The following HS3ST5 variants were observed in gnomAD, a reference collection of about 807,000 sequenced individuals.
The protein encoded by HS3ST5 is heparan sulfate-glucosamine 3-sulfotransferase 5.
In HS3ST5, 10 loss-of-function variants were observed where a neutral mutation model predicts 25.4. The ratio of observed to expected loss-of-function variants is 0.39; its 90% confidence interval spans 0.24 to 0.67. The LOEUF is 0.67. Ranked by LOEUF, HS3ST5 falls within the 30% of genes least tolerant of loss-of-function variation. The pLI, the probability that HS3ST5 is intolerant of heterozygous loss-of-function variation, is 0.44. For missense variants in HS3ST5, 324 were observed against 420.7 expected, an observed-to-expected ratio of 0.77 and a Z score of 2.01; for synonymous variants, 170 against 162.4, an observed-to-expected ratio of 1.05 and a Z score of -0.36.
chr6:114,061,323 G>A (rs1773102760), intron 4 of HS3ST5, among the ~76,000 whole-genome samples: 1 of 152,118 alleles, frequency 6.6e-6, no homozygotes. Flanking sequence ...GCTACTTTAG[G>A]AAACTACTGG....
chr6:114,122,180 G>T (rs1448778521), intron 3 of HS3ST5, among the ~76,000 whole-genome samples: 2 of 152,192 alleles, frequency 1.3e-5, no homozygotes, highest in Non-Finnish European at 2.9e-5. Flanking sequence ...TCCAGAATGT[G>T]TGATGAGCCC....
chr6:114,221,367 C>T (rs937945783), intron 2 of HS3ST5, among the ~76,000 whole-genome samples: 13 of 151,828 alleles, frequency 8.6e-5, no homozygotes, highest in African/African-American at 3.1e-4. Flanking sequence ...ATTTAAAGTT[C>T]AGTCCTCATT....
chr6:114,275,831 C>A (rs1582779596), intron 1 of HS3ST5, among the ~76,000 whole-genome samples: 1 of 152,046 alleles, frequency 6.6e-6, no homozygotes, highest in East Asian at 1.9e-4. Flanking sequence ...GTATAAAAAC[C>A]ATTCTCAATT....
At chr6:114,071,508 A>G (rs1303679947) in intron 3 of HS3ST5, among the ~76,000 whole-genome samples, 1 of 152,154 alleles carries the variant, frequency 6.6e-6, no homozygotes, top group African/African-American at 2.4e-5. Flanking sequence ...TTTGTGTGTA[A>G]CTCTAACTAC....
At chr6:114,293,204 T>C (rs1304972247) in intron 1 of HS3ST5, among the ~76,000 whole-genome samples, 3 of 151,848 alleles carry the variant, frequency 2.0e-5, no homozygotes, top group Admixed American at 1.3e-4. Flanking sequence ...AGAGAGGGAA[T>C]GTCAGGAGTT....
intron 3 of HS3ST5, among the ~76,000 whole-genome samples, chr6:114,067,775 T>C (rs1773544769): frequency 6.6e-6 from 1 of 152,190 alleles, no homozygotes; most frequent in Non-Finnish European, 1.5e-5. Flanking sequence ...GAAAAACTAA[T>C]ATTTTTATTG....
chr6:114,084,833 C>CTT (rs372362974), intron 3 of HS3ST5: 49,661 of 484,856 alleles, frequency 0.1, 1,560 homozygotes, highest in African/African-American at 0.14. Flanking sequence ...CTTTTCTTTT[C>CTT]TTTTTTTTTT....
At chr6:114,253,953 T>G (rs563304828) in intron 1 of HS3ST5, among the ~76,000 whole-genome samples, 21 of 152,170 alleles carry the variant, frequency 1.4e-4, no homozygotes, top group Admixed American at 1.4e-3. Context: ...TTAGAGATTG[T>G]GTGCAATGGG....
At chr6:114,156,251 A>G (rs896909829) in intron 3 of HS3ST5, among the ~76,000 whole-genome samples, 1 of 152,094 alleles carries the variant, frequency 6.6e-6, no homozygotes, top group African/African-American at 2.4e-5. Flanking sequence ...TCCAAAGAGG[A>G]TTTTCTCCCT....
At chr6:114,223,462 TGAAG>T (rs990353180) in intron 2 of HS3ST5, among the ~76,000 whole-genome samples, 3 of 151,740 alleles carry the variant, frequency 2.0e-5, no homozygotes, top group African/African-American at 7.2e-5. Context: ...GTCTGCAAAA[TGAAG>T]GCAGGAAACC....
intron 3 of HS3ST5, among the ~76,000 whole-genome samples, chr6:114,101,210 A>G (rs1276522593): frequency 6.6e-6 from 1 of 152,204 alleles, no homozygotes; most frequent in East Asian, 1.9e-4. Flanking sequence ...AAAAGCCACA[A>G]AAGGGTTATT....
chr6:114,185,303 T>G (rs771074932), intron 2 of HS3ST5, among the ~76,000 whole-genome samples: 3 of 152,092 alleles, frequency 2.0e-5, no homozygotes, highest in Non-Finnish European at 4.4e-5. Flanking sequence ...GGAGCCCTCA[T>G]GAATAGAATT....
chr6:114,196,011 T>C (rs939738840), intron 2 of HS3ST5, among the ~76,000 whole-genome samples: 9 of 152,194 alleles, frequency 5.9e-5, no homozygotes, highest in African/African-American at 1.7e-4. Flanking sequence ...TCGTGGCTTA[T>C]GCAAATGAGA....
chr6:114,312,200 G>C (rs183243347), intron 1 of HS3ST5, among the ~76,000 whole-genome samples: 93 of 152,264 alleles, frequency 6.1e-4, no homozygotes, highest in African/African-American at 2.2e-3. Context: ...CAAAATCTAA[G>C]AATAATGGAG....
chr6:114,129,127 T>C (rs1051783418), intron 3 of HS3ST5, among the ~76,000 whole-genome samples: 2 of 152,130 alleles, frequency 1.3e-5, no homozygotes, highest in African/African-American at 2.4e-5. Flanking sequence ...GCTTGGTACA[T>C]AATGAGCTCT....
intron 2 of HS3ST5, among the ~76,000 whole-genome samples, chr6:114,179,414 A>C (rs1232811403): frequency 6.6e-6 from 1 of 152,194 alleles, no homozygotes; most frequent in East Asian, 1.9e-4. Flanking sequence ...CAACTATGTG[A>C]CAAAGGCATT....
chr6:114,294,827 A>G (rs1774745412), intron 1 of HS3ST5, among the ~76,000 whole-genome samples: 1 of 152,212 alleles, frequency 6.6e-6, no homozygotes, highest in Non-Finnish European at 1.5e-5. Flanking sequence ...AAATTGGTCA[A>G]AAAGTTTTTT....
At chr6:114,242,154 T>G (rs941089336) in intron 1 of HS3ST5, among the ~76,000 whole-genome samples, 24 of 152,130 alleles carry the variant, frequency 1.6e-4, no homozygotes, top group African/African-American at 5.8e-4. Flanking sequence ...AACTGAGAGG[T>G]GTTGGATCTG....
At chr6:114,205,408 T>C (rs1036308848) in intron 2 of HS3ST5, among the ~76,000 whole-genome samples, 3 of 152,090 alleles carry the variant, frequency 2.0e-5, no homozygotes, top group South Asian at 2.1e-4. Context: ...GGGGAAGATA[T>C]AGGGAGTTAG....
Sources: gnomAD v4.1 joint callset for allele counts (sites outside exome capture counted in the v4.1 genomes callset) on GRCh38, gnomAD v4.1.1 for gene constraint, MANE v1.5 for transcripts, NCBI Gene and HGNC (gene_info 2026-07-23, HGNC 2026-07-21) for gene names.